The following RPUSD4 variants were observed in gnomAD, a reference collection of about 807,000 sequenced individuals.
RPUSD4 encodes pseudouridylate synthase RPUSD4, mitochondrial.
A neutral mutation model predicts 35.4 loss-of-function variants in RPUSD4; 37 were observed. The ratio of observed to expected loss-of-function variants is 1.04; its 90% CI spans 0.80 to 1.37. RPUSD4 has a LOEUF of 1.37. Ranked by LOEUF, RPUSD4 falls within the 40% of genes most tolerant of loss-of-function variation. RPUSD4 has a pLI of 0.00. For synonymous variants in RPUSD4, 210 were observed against 192.7 expected, an observed-to-expected ratio of 1.09 and a Z score of -0.74; for missense variants, 507 against 484.9, an observed-to-expected ratio of 1.05 and a Z score of -0.43.
Position 126,204,333 on chromosome 11 carries a change from A to G in RPUSD4, c.797-5T>C, listed in dbSNP as rs373679878. ...CTCGAAGCTGATGTTTTATTCCTTA[A>G]AAGAGAGAGAGAGAGAAAGAGAGAA... is the stretch of plus-strand genomic sequence containing the variant. On this transcript the variant is annotated splice_polypyrimidine_tract_variant and splice_region_variant and intron_variant, in intron 5 of 6. Transcript: ENST00000298317. The G allele has an allele frequency of 1.9e-6, 3 of 1,603,294 alleles. No homozygotes were observed. The highest frequency in any genetic ancestry group is 2.6e-6 in the Non-Finnish European group (3 of 1,173,508).
At position 126,211,510 on chromosome 11, in the gene RPUSD4, G is replaced by C; in HGVS notation, c.129C>G (p.Ala43=). The C allele has an allele frequency of 1.2e-6, 2 of 1,614,072 alleles. No homozygotes were observed. The highest frequency in any genetic ancestry group is 4.5e-5 in the East Asian group (2 of 44,870). ...AAAAASTAIN[A]QRLAEKLRAQ... ...CTCGGAGCTTCTCCGCTAATCTCTG[G>C]GCATTTATGGCCGTAGAGGCAGCGG... The change falls in exon 1 of 7, where the codon GCC becomes GCG. Residue 43 remains alanine (A), a synonymous_variant. Coordinates refer to ENST00000298317, the MANE Select transcript of RPUSD4 (RefSeq NM_032795.3).
In RPUSD4 at chr11:126,204,342, G is replaced by A; in HGVS notation, c.797-14C>T. On this transcript the variant is annotated splice_polypyrimidine_tract_variant and intron_variant, in intron 5 of 6. Coordinates refer to ENST00000298317, the MANE Select transcript of RPUSD4 (RefSeq NM_032795.3). Reference sequence around the variant, plus strand: ...GATGTTTTATTCCTTAAAAGAGAGAGAGAGAGAAAGAGAGAAAACTCGTGA... The same window carrying A: ...GATGTTTTATTCCTTAAAAGAGAGAAAGAGAGAAAGAGAGAAAACTCGTGA... The A allele has an allele frequency of 6.3e-7, 1 of 1,581,162 alleles. No individual in the cohort carries two copies. Among genetic ancestry groups the A allele is most frequent in the Non-Finnish European group, 8.6e-7 (1 of 1,157,194 alleles).
chr11:126,204,487 G>A (rs1210997467), intron 5 of RPUSD4, among the ~76,000 whole-genome samples, 159 bp from the exon 6 acceptor site: 1 of 152,152 alleles, frequency 6.6e-6, no homozygotes, highest in East Asian at 1.9e-4. Flanking sequence ...CAAACTATAA[G>A]TTATGTAGCA....
intron 3 of RPUSD4, among the ~76,000 whole-genome samples, chr11:126,207,044 T>C (rs1949781082): frequency 6.6e-6 from 1 of 152,240 alleles, no homozygotes; most frequent in South Asian, 2.1e-4. Context: ...ATGTATTTTA[T>C]AGTCTTAATA....
At chr11:126,203,845 AC>A (rs1949740589) in intron 6 of RPUSD4, among the ~76,000 whole-genome samples, 188 bp from the exon 7 acceptor site, 1 of 152,028 alleles carries the variant, frequency 6.6e-6, no homozygotes, top group African/African-American at 2.4e-5. Flanking sequence ...AAATGACCAC[AC>A]CAAGACATTC....
In RPUSD4 at chr11:126,211,027, A is replaced by G. The variant is rs1445409686; in HGVS notation, c.218T>C (p.Val73Ala). Residue 73 changes from valine to alanine, a missense_variant, in exon 2 of 7, where the codon GTG (valine) becomes GCG (alanine). Val to Ala is a moderately conservative substitution (Grantham distance 64). Transcript: ENST00000298317. ...CCGTGTGAACCGCACTATTTCTTGCACTCTCCGCTGAACAGCGTTTGTGGA... is the reference window on the plus strand; with the variant it reads ...CCGTGTGAACCGCACTATTTCTTGCGCTCTCCGCTGAACAGCGTTTGTGGA... ...PVSTNAVQRRVQEIVRFTRQL... is the reference protein window; with the variant it reads ...PVSTNAVQRRAQEIVRFTRQL... The G allele has an allele frequency of 6.2e-7, 1 of 1,613,516 alleles. No individual in the cohort carries two copies. The highest frequency in any genetic ancestry group is 1.3e-5 in the African/African-American group (1 of 74,780).
In RPUSD4 at chr11:126,206,055, T is replaced by C. The variant is rs111574456; in HGVS notation, c.558-274A>G. On this transcript the variant is annotated intron_variant, in intron 3 of 6. Transcript: ENST00000298317. ...TACATTAATAACATGGTCTTTCCAG[T>C]CTTTAAAAATGGATATGTACAGTTA... 4.0e-3 allele frequency: 1,267 copies of C among 314,190 alleles called. 12 individuals are homozygous for C. The highest frequency in any genetic ancestry group is 0.025 in the African/African-American group (1,179 of 46,974). 19.5% of individuals were successfully genotyped at this position (314,190 alleles called of 1,614,324 possible). A position where few individuals can be genotyped will look rare whatever the true frequency, so the allele number is the denominator to read the frequency against.
Position 126,211,345 on chromosome 11 carries a change from C to A in RPUSD4, c.189+105G>T, listed in dbSNP as rs1039697669. 15 of 1,272,950 alleles carry A rather than the reference C, an allele frequency of 1.2e-5. 1 individual carries two copies. Among genetic ancestry groups the A allele is most frequent in the Non-Finnish European group, 1.6e-5 (15 of 919,406 alleles). 78.9% of individuals were successfully genotyped at this position (1,272,950 alleles called of 1,614,324 possible). On this transcript the variant is annotated intron_variant, in intron 1 of 6. Coordinates refer to ENST00000298317, the MANE Select transcript of RPUSD4 (RefSeq NM_032795.3). ...CCCATTCTCCCACCTTGCGTCCGGGCTATTGACTCACACGCTTTCACTCAG... is the reference window on the plus strand; with the variant it reads ...CCCATTCTCCCACCTTGCGTCCGGGATATTGACTCACACGCTTTCACTCAG...
Position 126,205,462 on chromosome 11 carries a change from T to A in RPUSD4, c.796+6A>T, listed in dbSNP as rs1227337961. The A allele has an allele frequency of 1.2e-6, 2 of 1,614,040 alleles. No individual in the cohort carries two copies. Among genetic ancestry groups the A allele is most frequent in the Non-Finnish European group, 1.7e-6 (2 of 1,180,008 alleles). On this transcript the variant is annotated splice_donor_region_variant and intron_variant, in intron 5 of 6. Coordinates refer to ENST00000298317, the MANE Select transcript of RPUSD4 (RefSeq NM_032795.3). ...TGATCCCACTGCGGAAAAGTGACAC[T>A]CTCACCAGTGATGGGCTGGAGCTCC...
At chr11:126,207,406 G>A (rs1039631388) in intron 3 of RPUSD4, among the ~76,000 whole-genome samples, 5 of 152,078 alleles carry the variant, frequency 3.3e-5, no homozygotes, top group African/African-American at 1.2e-4. Context: ...CCACACTTAC[G>A]AATGAGAACT....
At position 126,209,710 on chromosome 11, in the gene RPUSD4, A is replaced by T. The variant is rs367944607; in HGVS notation, c.368T>A (p.Val123Asp). The change falls in exon 3 of 7, where the codon GTC becomes GAC. Residue 123 changes from valine (V) to aspartate (D), a missense_variant. By Grantham distance (152) the Val-to-Asp change is radical. Coordinates refer to ENST00000298317, the MANE Select transcript of RPUSD4 (RefSeq NM_032795.3). ...YGLPVHGGPG[V>D]QLCITDVLPI... is the part of the protein sequence containing the mutation. Reference sequence around the variant, plus strand: ...TAGTACATCAGTGATGCAGAGCTGGACCCCAGGGCCACCTAAGAAGGAAAA... The same window carrying T: ...TAGTACATCAGTGATGCAGAGCTGGTCCCCAGGGCCACCTAAGAAGGAAAA... 6.2e-7 allele frequency: 1 copy of T among 1,613,340 alleles called. No individual in the cohort carries two copies. Among genetic ancestry groups the T allele is most frequent in the Admixed American group, 1.7e-5 (1 of 59,972 alleles).
chr11:126,210,323 T>C (rs989837536), intron 2 of RPUSD4, among the ~76,000 whole-genome samples: 5 of 152,180 alleles, frequency 3.3e-5, no homozygotes, highest in African/African-American at 1.2e-4. Context: ...TATCTCCGTA[T>C]CTCCCCAAAA....
intron 1 of RPUSD4, 74 bp from the exon 2 acceptor site, chr11:126,211,129 G>T: frequency 6.6e-7 from 1 of 1,521,196 alleles, no homozygotes; most frequent in Non-Finnish European, 9.0e-7. Flanking sequence ...AAAGGTCTGG[G>T]TGAGAATCTG....
Position 126,210,900 on chromosome 11 carries a change from G to C in RPUSD4, c.345C>G (p.Leu115=), listed in dbSNP as rs183768502. 1 of 1,614,036 alleles carries C rather than the reference G, an allele frequency of 6.2e-7. No individual in the cohort carries two copies. The highest frequency in any genetic ancestry group is 8.5e-7 in the Non-Finnish European group (1 of 1,179,964). The change falls in exon 2 of 7, where the codon CTC becomes CTG. Residue 115 remains leucine, a synonymous_variant. Coordinates refer to ENST00000298317, the MANE Select transcript of RPUSD4 (RefSeq NM_032795.3). ...CCGCGTGGTCCTTACCATGCACAGG[G>C]AGACCGTAGGGCTTATTGATGACCA... ...NLVVINKPYG[L]PVHGGPGVQL...
intron 3 of RPUSD4, chr11:126,206,042 A>C: frequency 3.3e-5 from 11 of 334,056 alleles, no homozygotes; most frequent in Admixed American, 4.4e-5. Flanking sequence ...CATTAATAAC[A>C]TGGTCTTTCC....
At position 126,211,579 on chromosome 11, in the gene RPUSD4, G is replaced by A. The variant is rs1949871514; in HGVS notation, c.60C>T (p.Cys20=). The A allele has an allele frequency of 1.2e-6, 2 of 1,614,150 alleles. No individual in the cohort carries two copies. The highest frequency in any genetic ancestry group is 1.7e-6 in the Non-Finnish European group (2 of 1,180,036). The change falls in exon 1 of 7, where the codon TGC becomes TGT. Residue 20 remains cysteine (C), a synonymous_variant. Coordinates refer to ENST00000298317, the MANE Select transcript of RPUSD4 (RefSeq NM_032795.3). The part of the protein sequence containing the change: ...GPWIRGNGQG[C]GSLFTLVSKP... Reference sequence around the variant, plus strand: ...TTGAGACGAGAGTGAAGAGACTCCCGCAACCTTGGCCGTTTCCCCGGATCC... The same window carrying A: ...TTGAGACGAGAGTGAAGAGACTCCCACAACCTTGGCCGTTTCCCCGGATCC...
chr11:126,211,560 C>T lies in RPUSD4; in HGVS notation c.79G>A (p.Val27Ile), dbSNP rs1232690428. The T allele has an allele frequency of 1.2e-6, 2 of 1,614,210 alleles. No homozygotes were observed. Among genetic ancestry groups the T allele is most frequent in the Non-Finnish European group, 8.5e-7 (1 of 1,180,042 alleles). Residue 27 changes from valine (V) to isoleucine (I), a missense_variant, in exon 1 of 7, where the codon GTC (valine) becomes ATC (isoleucine). Coordinates refer to ENST00000298317, the MANE Select transcript of RPUSD4 (RefSeq NM_032795.3). Reference sequence around the variant, plus strand: ...GCAGCGGCACAAAATGGCTTTGAGACGAGAGTGAAGAGACTCCCGCAACCT... The same window carrying T: ...GCAGCGGCACAAAATGGCTTTGAGATGAGAGTGAAGAGACTCCCGCAACCT... ...GQGCGSLFTLVSKPFCAAAAA... is the reference protein window; with the variant it reads ...GQGCGSLFTLISKPFCAAAAA...
chr11:126,209,298 G>A (rs1591490277), intron 3 of RPUSD4: 2 of 510,624 alleles, frequency 3.9e-6, no homozygotes, highest in East Asian at 3.4e-5. Context: ...CCCCATGCTT[G>A]TATAATTAAT....
At position 126,202,415 on chromosome 11, in the gene RPUSD4, A is replaced by G. The variant is rs539293242; in HGVS notation, c.*1003T>C. 5 of 152,316 alleles carry G rather than the reference A, an allele frequency of 3.3e-5. No homozygotes were observed. In the South Asian group the frequency reaches 8.3e-4, roughly 25 times the overall value. 9.4% of individuals were successfully genotyped at this position (152,316 alleles called of 1,614,324 possible). Reference sequence around the variant, plus strand: ...CAGAAGATACGCTTCCACAACAGAGATTTTTGATTTTTTAATGGCAGCACT... The same window carrying G: ...CAGAAGATACGCTTCCACAACAGAGGTTTTTGATTTTTTAATGGCAGCACT... On this transcript the variant is annotated 3_prime_UTR_variant, in exon 7 of 7. Transcript: ENST00000298317.
Sources: gnomAD v4.1 joint callset for allele counts (sites outside exome capture counted in the v4.1 genomes callset) on GRCh38, gnomAD v4.1.1 for gene constraint, MANE v1.5 for transcripts, NCBI Gene and HGNC (gene_info 2026-07-23, HGNC 2026-07-21) for gene names.